The following EIF2S3B variants were observed in gnomAD, a reference collection of about 807,000 sequenced individuals.
EIF2S3B encodes the protein eukaryotic translation initiation factor 2 subunit gamma B.
A neutral mutation model predicts 26.4 loss-of-function variants in EIF2S3B; 16 were observed. The observed-to-expected ratio is 0.61, with a 90% CI of 0.41 to 0.92. EIF2S3B has a LOEUF of 0.92. Ranked by LOEUF, EIF2S3B falls within the 40% of genes least tolerant of loss-of-function variation. EIF2S3B has a pLI of 0.00. For missense variants in EIF2S3B, 510 were observed against 575.5 expected, an observed-to-expected ratio of 0.89 and a Z score of 1.16; for synonymous variants, 183 against 204.4, an observed-to-expected ratio of 0.90 and a Z score of 0.89.
chr12:10,513,753 G>A (rs1272890832), intron 1 of EIF2S3B, among the ~76,000 whole-genome samples: 2 of 152,132 alleles, frequency 1.3e-5, no homozygotes, highest in Non-Finnish European at 2.9e-5. Flanking sequence ...AGTGGCTCAC[G>A]CCTGTAATCC....
chr12:10,512,219 G>C (rs532525321), downstream of EIF2S3B, among the ~76,000 whole-genome samples: 22 of 152,152 alleles, frequency 1.4e-4, no homozygotes, highest in African/African-American at 5.3e-4. Context: ...ATTTTGGCAG[G>C]ACATCTAACA....
intron 1 of EIF2S3B, among the ~76,000 whole-genome samples, chr12:10,514,126 C>T (rs1864731804): frequency 6.6e-6 from 1 of 152,092 alleles, no homozygotes; most frequent in African/African-American, 2.4e-5. Context: ...TTTTTGAACT[C>T]AGTGTCTCTG....
downstream of EIF2S3B, among the ~76,000 whole-genome samples, chr12:10,509,582 T>C (rs996532940): frequency 5.3e-5 from 8 of 152,032 alleles, no homozygotes; most frequent in Non-Finnish European, 5.9e-5. Context: ...AAGGAATGTA[T>C]ACTATGCCTC....
downstream of EIF2S3B, among the ~76,000 whole-genome samples, chr12:10,510,655 C>T (rs1565527327): frequency 6.6e-6 from 1 of 152,204 alleles, no homozygotes; most frequent in East Asian, 1.9e-4. Context: ...AATAGCATTC[C>T]CCTGTGTGCC....
downstream of EIF2S3B, among the ~76,000 whole-genome samples, chr12:10,512,956 C>T (rs73070518): frequency 0.14 from 21,777 of 152,114 alleles, 1,601 homozygotes; most frequent in Middle Eastern, 0.17. Context: ...TTTATCATTG[C>T]TCCAAGAACT....
At chr12:10,516,403 A>AGAATAT (rs1453532849) in intron 1 of EIF2S3B, among the ~76,000 whole-genome samples, 1 of 152,156 alleles carries the variant, frequency 6.6e-6, no homozygotes. Context: ...ATCAAAAGGC[A>AGAATAT]GAATATATAG....
At chr12:10,516,015 ATAAAT>A (rs1203837163) in intron 1 of EIF2S3B, among the ~76,000 whole-genome samples, 2 of 137,056 alleles carry the variant, frequency 1.5e-5, no homozygotes, top group Non-Finnish European at 3.1e-5. Flanking sequence ...TTTTATTAAA[ATAAAT>A]TATTTTAAAA....
intron 1 of EIF2S3B, among the ~76,000 whole-genome samples, chr12:10,518,429 C>T (rs1423034446): frequency 6.6e-6 from 1 of 151,902 alleles, no homozygotes; most frequent in African/African-American, 2.4e-5. Context: ...CAACCCCTGC[C>T]TTTTTTTGTT....
rs1864630521 is a variant in EIF2S3B, at chr12:10,506,401, C to T, written c.499C>T (p.Gln167Ter). 2 of 1,613,928 alleles carry T rather than the reference C, an allele frequency of 1.2e-6. No homozygotes were observed. The highest frequency in any genetic ancestry group is 1.7e-6 in the Non-Finnish European group (2 of 1,179,904). The part of the protein sequence containing the change: ...LLIAGNESCP[Q>*]PQTSEHLAAI... ...GATAGCTGGTAATGAATCTTGCCCT[C>T]AGCCTCAGACATCTGAACACCTGGC... Residue 167 changes from glutamine to a stop codon, truncating the protein, a stop_gained, in exon 1 of 1, where the codon CAG becomes TAG. Transcript: ENST00000538173. LOFTEE classifies it high-confidence loss of function.
At chr12:10,519,720 A>C (rs1213579775) in intron 1 of EIF2S3B, among the ~76,000 whole-genome samples, 2 of 152,196 alleles carry the variant, frequency 1.3e-5, no homozygotes, top group Non-Finnish European at 2.9e-5. Flanking sequence ...GACACTTCTC[A>C]AAAGAAGACA....
chr12:10,511,917 CAA>C (rs2137947128), downstream of EIF2S3B, among the ~76,000 whole-genome samples: 1 of 152,306 alleles, frequency 6.6e-6, no homozygotes, highest in East Asian at 1.9e-4. Flanking sequence ...ATTTCCTACA[CAA>C]AGAGTTTTTA....
At chr12:10,517,729 C>A (rs1864774767) in intron 1 of EIF2S3B, among the ~76,000 whole-genome samples, 1 of 152,152 alleles carries the variant, frequency 6.6e-6, no homozygotes, top group African/African-American at 2.4e-5. Flanking sequence ...ATCTTTCCTG[C>A]TTTCTCTTGT....
downstream of EIF2S3B, among the ~76,000 whole-genome samples, chr12:10,510,099 C>T (rs1444560490): frequency 2.0e-5 from 3 of 152,124 alleles, no homozygotes; most frequent in Admixed American, 1.3e-4. Flanking sequence ...CCTACATTAG[C>T]ACTGATAGGC....
At chr12:10,518,297 T>C (rs1864788019) in intron 1 of EIF2S3B, among the ~76,000 whole-genome samples, 1 of 152,198 alleles carries the variant, frequency 6.6e-6, no homozygotes, top group African/African-American at 2.4e-5. Context: ...TGCTCCTGTA[T>C]TGGGTGCATA....
At chr12:10,508,541 A>G (rs1050953067), downstream of EIF2S3B, among the ~76,000 whole-genome samples, 2 of 149,912 alleles carry the variant, frequency 1.3e-5, no homozygotes, top group South Asian at 2.1e-4. Context: ...AAAAAAAAAA[A>G]AAAAAAAAGA....
At chr12:10,508,525 C>CAAA, downstream of EIF2S3B, among the ~76,000 whole-genome samples, 72 of 62,994 alleles carry the variant, frequency 1.1e-3, no homozygotes, top group East Asian at 3.7e-3. Context: ...TGTTAGAAAG[C>CAAA]AAAAAAAAAA....
chr12:10,511,068 G>C (rs947758398), downstream of EIF2S3B, among the ~76,000 whole-genome samples: 1 of 151,956 alleles, frequency 6.6e-6, no homozygotes, highest in Non-Finnish European at 1.5e-5. Context: ...TCAATGTAAA[G>C]TTTTATTGAA....
At position 10,517,433 on chromosome 12, in the gene EIF2S3B, T is replaced by G. The variant is rs1205226529; in HGVS notation, c.1309-5170T>G. 2.0e-5 allele frequency among the ~76,000 whole-genome samples: 3 copies of G among 152,332 alleles called. No individual in the cohort carries two copies. In the East Asian group the frequency reaches 5.8e-4, roughly 29 times the overall value. ...TGTAGTATTCTCTGATGGTAGTTTG[T>G]ATTTCTGTGGGAATGGTGGTGATAT... On this transcript the variant is annotated intron_variant, in intron 1 of 1. Transcript: ENST00000322446.
rs7135490 is a variant in EIF2S3B at position 10,506,343 on chromosome 12, C to T, written c.441C>T (p.Asn147=). Residue 147 remains asparagine (N), a synonymous_variant, in exon 1 of 1, where the codon AAC becomes AAT. Coordinates refer to ENST00000538173, the MANE Select transcript of EIF2S3B (RefSeq NM_001357734.3). The stretch of plus-strand genomic sequence containing the variant: ...ATATTTTGATGGCTACTATGCTGAA[C>T]GGTGCAGCAGTGATGGATGCAGCTC... ...GHDILMATML[N]GAAVMDAALL... is the part of the protein sequence containing the mutation. 267,692 of 1,613,550 alleles carry T rather than the reference C, an allele frequency of 0.17. 23,022 individuals are homozygous for T. The highest frequency in any genetic ancestry group is 0.2 in the African/African-American group (15,336 of 74,924).
Sources: allele counts gnomAD v4.1 joint callset (sites outside exome capture counted in the v4.1 genomes callset), GRCh38; gene constraint gnomAD v4.1.1; transcripts MANE v1.5; gene names NCBI Gene and HGNC (gene_info 2026-07-23, HGNC 2026-07-21).